Variants in ARSB observed in about 807,000 individuals in gnomAD.
ARSB encodes arylsulfatase B.
A neutral mutation model predicts 50.9 loss-of-function variants in ARSB; 41 were observed. The ratio of observed to expected loss-of-function variants is 0.81; its 90% confidence interval spans 0.63 to 1.04. The LOEUF (loss-of-function observed/expected upper bound fraction) is 1.04. ARSB is among the 50% of genes least tolerant of loss of function. The probability of loss-of-function intolerance (pLI) is 0.00; values close to 1 mark genes in which losing one functional copy is unlikely to be tolerated. For synonymous variants in ARSB, 269 were observed against 284.8 expected (o/e 0.94, Z 0.56); for missense variants, 672 against 693.3 (o/e 0.97, Z 0.35).
At chr5:78,906,025 C>T (rs570240841) in intron 4 of ARSB, among the ~76,000 whole-genome samples, 2 of 151,688 alleles carry the variant, frequency 1.3e-5, no homozygotes, top group Admixed American at 6.6e-5. Flanking sequence ...CACCACAACA[C>T]CAATGCAGAT....
At chr5:78,790,839 C>T (rs1749216316) in intron 6 of ARSB, among the ~76,000 whole-genome samples, 2 of 152,158 alleles carry the variant, frequency 1.3e-5, no homozygotes, top group South Asian at 4.1e-4. Context: ...AAAAAAACAA[C>T]CAAAGTCACT....
intron 4 of ARSB, among the ~76,000 whole-genome samples, chr5:78,898,689 A>C (rs755819199): frequency 7.2e-5 from 11 of 152,156 alleles, no homozygotes; most frequent in Non-Finnish European, 1.6e-4. Context: ...GGCTAATGTC[A>C]AGGTGTTGAG....
rs1561419788 is a variant in ARSB, at chr5:78,777,873, T to TAAAAAA, written c.*2523_*2524insTTTTTT. On this transcript the variant is annotated 3_prime_UTR_variant, in exon 8 of 8. Transcript: ENST00000264914. The stretch of plus-strand genomic sequence containing the variant: ...TCTCAAAAAAAAAAAAAAAAAAAAT[T>TAAAAAA]GGAAAGAAATAACATTATTTCTAAC... 49 of 135,710 alleles carry TAAAAAA rather than the reference T, an allele frequency of 3.6e-4. No individual in the cohort carries two copies. The highest frequency in any genetic ancestry group is 1.4e-3 in the African/African-American group (47 of 34,570). The allele number at this position is 135,710 out of a possible 1,614,324, so 8.4% of individuals were successfully genotyped here.
chr5:78,891,105 A>C (rs913065275), intron 4 of ARSB, among the ~76,000 whole-genome samples: 30 of 152,230 alleles, frequency 2.0e-4, no homozygotes, highest in African/African-American at 6.5e-4. Context: ...ACCACACAGA[A>C]GGGCTCAATG....
In ARSB at chr5:78,957,757, G is replaced by C. The variant is rs537740247; in HGVS notation, c.691-2255C>G. ...GACATCCCAACAGATGCCCTGCCTG[G>C]GGGTGATGAAGGTCTTGGCTGCGAT... On this transcript the variant is annotated intron_variant, in intron 3 of 7. Coordinates refer to ENST00000264914, the MANE Select transcript of ARSB (RefSeq NM_000046.5). Among the ~76,000 whole-genome samples, 183 of 152,138 alleles carry C rather than the reference G, an allele frequency of 1.2e-3. 1 individual carries two copies. The highest frequency in any genetic ancestry group is 1.8e-3 in the Non-Finnish European group (125 of 67,990).
intron 1 of ARSB, among the ~76,000 whole-genome samples, chr5:78,977,186 C>T (rs1313014381): frequency 2.1e-5 from 3 of 141,936 alleles, no homozygotes; most frequent in Non-Finnish European, 4.4e-5. Context: ...TGGAGTCTTG[C>T]TCTGTTGCTC....
At chr5:78,788,350 C>T (rs1035920068) in intron 6 of ARSB, among the ~76,000 whole-genome samples, 1 of 152,102 alleles carries the variant, frequency 6.6e-6, no homozygotes, top group South Asian at 2.1e-4. Flanking sequence ...ATCTGAGCAA[C>T]CCCTAGAAAT....
intron 5 of ARSB, among the ~76,000 whole-genome samples, chr5:78,843,471 A>C (rs997432909): frequency 6.6e-6 from 1 of 152,210 alleles, no homozygotes; most frequent in African/African-American, 2.4e-5. Flanking sequence ...ATACTGATGC[A>C]TGGGTTCAAT....
intron 5 of ARSB, among the ~76,000 whole-genome samples, chr5:78,858,453 T>C (rs1428723717): frequency 1.3e-5 from 2 of 152,212 alleles, no homozygotes; most frequent in African/African-American, 4.8e-5. Flanking sequence ...TCTAAAAGTC[T>C]ACAGTTTCAG....
intron 6 of ARSB, among the ~76,000 whole-genome samples, chr5:78,811,699 C>T (rs1176977682): frequency 1.3e-5 from 2 of 152,064 alleles, no homozygotes; most frequent in Admixed American, 6.6e-5. Context: ...GTTCTCTTGC[C>T]TAAAGCAAAA....
chr5:78,883,963 GA>G (rs1747884463), intron 5 of ARSB: 1 of 152,094 alleles, frequency 6.6e-6, no homozygotes, highest in Non-Finnish European at 1.5e-5. Flanking sequence ...TTTGCAACTG[GA>G]AATTGGTCAA....
intron 5 of ARSB, among the ~76,000 whole-genome samples, chr5:78,851,657 G>A (rs1745792991): frequency 1.3e-5 from 2 of 152,104 alleles, no homozygotes; most frequent in Admixed American, 6.5e-5. Context: ...GTTGATAGTG[G>A]GGTGTTAAAG....
intron 5 of ARSB, among the ~76,000 whole-genome samples, chr5:78,840,765 G>T (rs1358044685): frequency 6.6e-6 from 1 of 151,262 alleles, no homozygotes; most frequent in South Asian, 2.1e-4. Context: ...GGACAGCAGC[G>T]GCAGCACTGC....
intron 5 of ARSB, 74 bp downstream of exon 5, chr5:78,885,510 T>C (rs1473971717): frequency 1.7e-5 from 26 of 1,573,382 alleles, no homozygotes; most frequent in Admixed American, 5.3e-5. Context: ...ACAAAAGCTA[T>C]CATTCTTGCT....
intron 4 of ARSB, among the ~76,000 whole-genome samples, chr5:78,939,794 C>T (rs1580094327): frequency 1.3e-5 from 2 of 152,212 alleles, no homozygotes; most frequent in Admixed American, 1.3e-4. Context: ...TGGGTATATA[C>T]CCAGTAATGG....
chr5:78,935,550 T>C (rs1302033332), intron 4 of ARSB, among the ~76,000 whole-genome samples: 2 of 151,998 alleles, frequency 1.3e-5, no homozygotes, highest in Admixed American at 6.6e-5. Context: ...ATAATAAGCA[T>C]AGGTAGTAGC....
intron 6 of ARSB, among the ~76,000 whole-genome samples, chr5:78,821,197 G>A (rs1159997359): frequency 6.6e-6 from 1 of 152,158 alleles, no homozygotes; most frequent in Admixed American, 6.5e-5. Context: ...GTGCAATAGC[G>A]TGATCTCAGC....
chr5:78,876,017 A>G (rs949178310), intron 5 of ARSB, among the ~76,000 whole-genome samples: 1 of 152,202 alleles, frequency 6.6e-6, no homozygotes, highest in African/African-American at 2.4e-5. Flanking sequence ...CTTTCATATG[A>G]AAAATTTGGA....
intron 6 of ARSB, among the ~76,000 whole-genome samples, chr5:78,826,216 T>C (rs1351144373): frequency 6.6e-6 from 1 of 152,118 alleles, no homozygotes; most frequent in African/African-American, 2.4e-5. Context: ...CTGACTACTT[T>C]TTGTATTTTC....
Sources: allele counts gnomAD v4.1 joint callset (sites outside exome capture counted in the v4.1 genomes callset), GRCh38; gene constraint gnomAD v4.1.1; transcripts MANE v1.5; gene names NCBI Gene and HGNC (gene_info 2026-07-23, HGNC 2026-07-21).